DLGAP2: variants seen among roughly 807,000 people sequenced by gnomAD.
DLGAP2 encodes the protein DLG associated protein 2, also known as disks large-associated protein 2.
In DLGAP2, 26 loss-of-function variants were observed where a neutral mutation model predicts 100.3. The observed-to-expected ratio is 0.26, with a 90% CI of 0.19 to 0.36. DLGAP2 has a LOEUF of 0.36. DLGAP2 is among the 10% of genes least tolerant of loss of function. The pLI is 1.00. For missense variants in DLGAP2, 1,858 were observed against 1,453.2 expected (o/e 1.28, Z -4.53); for synonymous variants, 886 against 630.1 (o/e 1.41, Z -6.08).
intron 4 of DLGAP2, among the ~76,000 whole-genome samples, chr8:1,516,351 A>G (rs2130394092): frequency 6.6e-6 from 1 of 150,474 alleles, no homozygotes. Flanking sequence ...GAGTGAGTGA[A>G]TAAGGGAGGG....
intron 1 of DLGAP2, among the ~76,000 whole-genome samples, chr8:772,288 C>G (rs1023899848): frequency 6.6e-6 from 1 of 151,852 alleles, no homozygotes; most frequent in Non-Finnish European, 1.5e-5. Flanking sequence ...TTTAAACCAT[C>G]GTGTTTAAAA....
At chr8:1,264,452 A>G (rs1481067202) in intron 3 of DLGAP2, among the ~76,000 whole-genome samples, 1 of 152,220 alleles carries the variant, frequency 6.6e-6, no homozygotes, top group East Asian at 1.9e-4. Flanking sequence ...ATCCAGGGCC[A>G]TGGATAGGAT....
intron 3 of DLGAP2, among the ~76,000 whole-genome samples, chr8:1,491,713 A>C (rs1219466216): frequency 2.0e-5 from 3 of 152,248 alleles, no homozygotes; most frequent in Admixed American, 1.3e-4. Context: ...GTTTCACCAC[A>C]GGCAGATACG....
intron 3 of DLGAP2, among the ~76,000 whole-genome samples, chr8:1,494,600 G>A (rs1179112550): frequency 6.6e-6 from 1 of 152,104 alleles, no homozygotes; most frequent in East Asian, 1.9e-4. Flanking sequence ...GTGGTGTCAG[G>A]CGCCTGTAGT....
chr8:1,511,399 G>GGAC (rs1482265180), intron 4 of DLGAP2, among the ~76,000 whole-genome samples: 1 of 144,002 alleles, frequency 6.9e-6, no homozygotes, highest in African/African-American at 2.5e-5. Context: ...CATCTTCCAT[G>GGAC]GTCGTAAGGG....
chr8:1,630,789 T>A (rs183890497), intron 7 of DLGAP2, among the ~76,000 whole-genome samples: 3 of 152,270 alleles, frequency 2.0e-5, no homozygotes, highest in Admixed American at 1.3e-4. Flanking sequence ...ACTGAAGTCT[T>A]GTGAGAGGTG....
At chr8:1,130,578 C>T (rs563607329) in intron 2 of DLGAP2, among the ~76,000 whole-genome samples, 44 of 152,200 alleles carry the variant, frequency 2.9e-4, no homozygotes, top group Non-Finnish European at 4.9e-4. Flanking sequence ...CCAACTGTAA[C>T]TGGTCCCTGG....
intron 3 of DLGAP2, among the ~76,000 whole-genome samples, chr8:1,415,619 G>A (rs965597935): frequency 1.4e-4 from 22 of 152,286 alleles, no homozygotes; most frequent in Admixed American, 4.6e-4. Context: ...ACCTGCATCC[G>A]TGTTGCTGCA....
At chr8:1,294,888 C>CT (rs59102231) in intron 3 of DLGAP2, among the ~76,000 whole-genome samples, 49,548 of 143,512 alleles carry the variant, frequency 0.35, 9,512 homozygotes, top group East Asian at 0.46. Context: ...AAAAACAAAA[C>CT]TTTTTTTTTT....
chr8:1,548,568 C>T (rs1281754911), intron 4 of DLGAP2, 58 bp from the exon 5 acceptor site: 1 of 1,419,494 alleles, frequency 7.0e-7, no homozygotes, highest in Non-Finnish European at 9.3e-7. Flanking sequence ...ATATTCCCCG[C>T]ACCTGAGGGT....
chr8:762,283 G>A (rs1388548999), intron 1 of DLGAP2, among the ~76,000 whole-genome samples: 1 of 152,190 alleles, frequency 6.6e-6, no homozygotes, highest in Non-Finnish European at 1.5e-5. Context: ...TATTACCAAC[G>A]ATATGGAATA....
At chr8:829,397 G>T (rs1796740854) in intron 1 of DLGAP2, among the ~76,000 whole-genome samples, 1 of 152,178 alleles carries the variant, frequency 6.6e-6, no homozygotes, top group Non-Finnish European at 1.5e-5. Flanking sequence ...CAAGGAAAGA[G>T]AACACTTGTC....
At chr8:1,383,832 A>G (rs933638466) in intron 3 of DLGAP2, among the ~76,000 whole-genome samples, 1 of 152,244 alleles carries the variant, frequency 6.6e-6, no homozygotes, top group Non-Finnish European at 1.5e-5. Context: ...ACTTTCCAGC[A>G]GAGTAAACTA....
intron 1 of DLGAP2, among the ~76,000 whole-genome samples, chr8:764,901 C>T (rs1173855791): frequency 6.6e-6 from 1 of 152,220 alleles, no homozygotes; most frequent in African/African-American, 2.4e-5. Flanking sequence ...ATCTAACCTA[C>T]TCAAAGCAAA....
At chr8:1,587,323 G>A (rs1349667700) in intron 6 of DLGAP2, among the ~76,000 whole-genome samples, 4 of 152,204 alleles carry the variant, frequency 2.6e-5, no homozygotes, top group Non-Finnish European at 4.4e-5. Flanking sequence ...GCTTCAGGGG[G>A]ATGGTCTTGA....
rs36151726 is a variant in DLGAP2, at chr8:1,695,434, C to T, written c.2797-1713C>T. ...CAGAAAGAGGGGGCACAGCCATGTCCGGCCCTACAGAAAGAGGGGGCACAG... is the reference window on the plus strand; with the variant it reads ...CAGAAAGAGGGGGCACAGCCATGTCTGGCCCTACAGAAAGAGGGGGCACAG... On this transcript the variant is annotated intron_variant, in intron 13 of 14. Transcript: ENST00000637795. 1.5e-4 allele frequency among the ~76,000 whole-genome samples: 21 copies of T among 142,746 alleles called. 2 individuals carry two copies. The highest frequency in any genetic ancestry group is 5.5e-4 in the African/African-American group (19 of 34,770). 93.6% of individuals were successfully genotyped at this position (142,746 alleles called of 152,430 possible).
intron 3 of DLGAP2, among the ~76,000 whole-genome samples, chr8:1,492,282 AT>A (rs1799410629): frequency 6.6e-6 from 1 of 152,248 alleles, no homozygotes; most frequent in African/African-American, 2.4e-5. Flanking sequence ...GGAAGCCAGC[AT>A]TAAAACCAAT....
intron 2 of DLGAP2, among the ~76,000 whole-genome samples, chr8:1,135,235 A>G (rs1476111213): frequency 1.3e-5 from 2 of 152,276 alleles, no homozygotes; most frequent in Non-Finnish European, 2.9e-5. Context: ...TTTTTAACAA[A>G]TACATGTCAG....
At chr8:839,644 A>C (rs923054131) in intron 1 of DLGAP2, among the ~76,000 whole-genome samples, 2 of 152,080 alleles carry the variant, frequency 1.3e-5, no homozygotes, top group African/African-American at 4.8e-5. Flanking sequence ...CTCGGTGAAA[A>C]ACAGGATGGT....
Sources: allele counts gnomAD v4.1 joint callset (sites outside exome capture counted in the v4.1 genomes callset), GRCh38; gene constraint gnomAD v4.1.1; transcripts MANE v1.5; gene names NCBI Gene and HGNC (gene_info 2026-07-23, HGNC 2026-07-21).